LRP1B: variants seen among roughly 807,000 people sequenced by gnomAD.
The protein encoded by LRP1B is LDL receptor related protein 1B.
LRP1B carries 217 observed loss-of-function variants against 556.6 expected under a neutral mutation model. That is an observed-to-expected ratio of 0.39 (90% CI 0.35 to 0.44). LRP1B has a LOEUF of 0.44. Ranked by LOEUF, LRP1B falls within the 20% of genes least tolerant of loss-of-function variation. The pLI, the probability that LRP1B is intolerant of heterozygous loss-of-function variation, is 1.00. For synonymous variants in LRP1B, 2,047 were observed against 1,865.8 expected (o/e 1.10, Z -2.50); for missense variants, 5,053 against 5,620.8 (o/e 0.90, Z 3.23).
intron 7 of LRP1B, among the ~76,000 whole-genome samples, chr2:141,121,724 T>G (rs1574094993): frequency 6.6e-6 from 1 of 152,132 alleles, no homozygotes; most frequent in Non-Finnish European, 1.5e-5. Context: ...ATCAATGACC[T>G]TCTTCACAGA....
At chr2:141,889,545 A>G (rs1429156806) in intron 1 of LRP1B, among the ~76,000 whole-genome samples, 1 of 152,164 alleles carries the variant, frequency 6.6e-6, no homozygotes, top group East Asian at 1.9e-4. Flanking sequence ...TGCAAGTATT[A>G]AAGAATAGGG....
intron 14 of LRP1B, among the ~76,000 whole-genome samples, chr2:141,012,443 G>A (rs1032016431): frequency 6.6e-6 from 1 of 151,882 alleles, no homozygotes; most frequent in Non-Finnish European, 1.5e-5. Context: ...GTGTGGTAGG[G>A]GTGCAGGGTT....
intron 1 of LRP1B, among the ~76,000 whole-genome samples, chr2:142,104,627 G>A (rs1017699824): frequency 1.3e-5 from 2 of 152,122 alleles, no homozygotes; most frequent in Non-Finnish European, 2.9e-5. Flanking sequence ...TAACTCATTA[G>A]TACTGTGTTT....
At position 140,702,423 on chromosome 2, in the gene LRP1B, A is replaced by G. The variant is rs1338877966; in HGVS notation, c.6150+4T>C. On this transcript the variant is annotated splice_donor_region_variant and intron_variant, in intron 38 of 90. Coordinates refer to ENST00000389484, the MANE Select transcript of LRP1B (RefSeq NM_018557.3). The stretch of plus-strand genomic sequence containing the variant: ...TTTAAATACTGAAAAGAAATCCAAC[A>G]GACCTCATAGTCGATGGAGATGCCA... 1.2e-6 allele frequency: 2 copies of G among 1,613,172 alleles called. No individual in the cohort carries two copies. The highest frequency in any genetic ancestry group is 1.3e-5 in the African/African-American group (1 of 74,876).
At chr2:141,621,542 A>G (rs1051544665) in intron 2 of LRP1B, among the ~76,000 whole-genome samples, 3 of 152,206 alleles carry the variant, frequency 2.0e-5, no homozygotes, top group Non-Finnish European at 4.4e-5. Flanking sequence ...ACGTAAGATT[A>G]AACTAATCAT....
At chr2:140,777,734 A>G (rs1481449090) in intron 32 of LRP1B, among the ~76,000 whole-genome samples, 1 of 152,194 alleles carries the variant, frequency 6.6e-6, no homozygotes, top group African/African-American at 2.4e-5. Flanking sequence ...AAGAGATTCT[A>G]GTACATATAC....
rs117238817 is a variant in LRP1B, at chr2:141,928,997, T to C, written c.83-118596A>G. Among the ~76,000 whole-genome samples, 38 of 152,202 alleles carry C rather than the reference T, an allele frequency of 2.5e-4. No homozygotes were observed. The East Asian group carries it at 2.7e-3, about 11-fold the overall frequency. On this transcript the variant is annotated intron_variant, in intron 1 of 90. Transcript: ENST00000389484. ...AGGAGAGCATATTCCTGTTGAGAAATAGACAGCTGCCTTAGAGGGTCTGTG... is the reference window on the plus strand; with the variant it reads ...AGGAGAGCATATTCCTGTTGAGAAACAGACAGCTGCCTTAGAGGGTCTGTG...
chr2:141,031,730 T>C (rs1249473658), intron 11 of LRP1B, among the ~76,000 whole-genome samples: 1 of 151,910 alleles, frequency 6.6e-6, no homozygotes, highest in Non-Finnish European at 1.5e-5. Flanking sequence ...CAACACTTGA[T>C]GTAAGTATAA....
chr2:140,856,903 T>C (rs1641577036), intron 27 of LRP1B, among the ~76,000 whole-genome samples: 1 of 152,142 alleles, frequency 6.6e-6, no homozygotes, highest in South Asian at 2.1e-4. Flanking sequence ...AATCTAAAAA[T>C]CTAGAAAGTT....
chr2:140,358,348 A>G (rs189646274), intron 73 of LRP1B, among the ~76,000 whole-genome samples: 2 of 151,708 alleles, frequency 1.3e-5, no homozygotes, highest in Non-Finnish European at 2.9e-5. Context: ...AAATTTTAAA[A>G]TATTTACCCT....
Position 141,254,580 on chromosome 2 carries a change from A to G in LRP1B, c.405T>C (p.Ser135=), listed in dbSNP as rs762965982. The change falls in exon 4 of 91, where the codon AGT becomes AGC. Residue 135 remains serine, a synonymous_variant. Transcript: ENST00000389484. ...ATCCATCCTCACAGTAACATCTTGT[A>G]CTATTTCTGACCATTGTACATTTAT... is the stretch of plus-strand genomic sequence containing the variant. ...CQYKCTMVRN[S]TRCYCEDGFE... 3 of 1,611,578 alleles carry G rather than the reference A, an allele frequency of 1.9e-6. No homozygotes were observed. Among genetic ancestry groups the G allele is most frequent in the East Asian group, 2.2e-5 (1 of 44,740 alleles).
intron 21 of LRP1B, among the ~76,000 whole-genome samples, chr2:140,915,847 T>G (rs1209194571): frequency 6.6e-6 from 1 of 151,482 alleles, no homozygotes; most frequent in African/African-American, 2.4e-5. Context: ...GGGAACATGG[T>G]GAAACCCCGT....
intron 18 of LRP1B, among the ~76,000 whole-genome samples, chr2:140,973,525 G>A (rs771998005): frequency 6.6e-6 from 1 of 151,982 alleles, no homozygotes; most frequent in Non-Finnish European, 1.5e-5. Flanking sequence ...CTTTTGAAAT[G>A]TAAACATTGG....
chr2:140,697,485 C>G (rs1424980954), intron 41 of LRP1B, among the ~76,000 whole-genome samples: 1 of 151,882 alleles, frequency 6.6e-6, no homozygotes, highest in Non-Finnish European at 1.5e-5. Context: ...GATATTTGTA[C>G]ACCAATGTTC....
intron 76 of LRP1B, among the ~76,000 whole-genome samples, chr2:140,351,679 C>A (rs180955350): frequency 0.02 from 3,084 of 151,754 alleles, 36 homozygotes; most frequent in African/African-American, 0.028. Context: ...AACCCTAAAG[C>A]AAATGCCAAA....
At chr2:140,648,695 T>C (rs1201493032) in intron 41 of LRP1B, among the ~76,000 whole-genome samples, 3 of 152,274 alleles carry the variant, frequency 2.0e-5, no homozygotes, top group African/African-American at 7.2e-5. Flanking sequence ...GTAAGATAGC[T>C]TGAAGAATGG....
chr2:141,793,505 G>A (rs1214125369), intron 2 of LRP1B, among the ~76,000 whole-genome samples: 2 of 151,856 alleles, frequency 1.3e-5, no homozygotes, highest in African/African-American at 4.8e-5. Context: ...TAAAAAAGAA[G>A]GGTAATAGAT....
rs552294506 is a variant in LRP1B, at chr2:141,390,976, C to T, written c.343+89420G>A. ...TGAGCAGAATAGAGCAAATCATATCCTTCACACTTACTTCTCTGTGGTCAG... is the reference window on the plus strand; with the variant it reads ...TGAGCAGAATAGAGCAAATCATATCTTTCACACTTACTTCTCTGTGGTCAG... On this transcript the variant is annotated intron_variant, in intron 3 of 90. Coordinates refer to ENST00000389484, the MANE Select transcript of LRP1B (RefSeq NM_018557.3). Among the ~76,000 whole-genome samples the T allele has an allele frequency of 4.4e-4, 67 of 152,148 alleles. 1 individual carries two copies. The highest frequency in any genetic ancestry group is 3.8e-3 in the Admixed American group (58 of 15,278).
chr2:140,782,175 G>A lies in LRP1B; in HGVS notation c.5360-5937C>T, dbSNP rs182313878. On this transcript the variant is annotated intron_variant, in intron 32 of 90. Coordinates refer to ENST00000389484, the MANE Select transcript of LRP1B (RefSeq NM_018557.3). ...AGCAGGGAGCTAATATAGGGTAGGG[G>A]TTAAGCTGTGTATAAGCAATGAGGA... 1.5e-4 allele frequency among the ~76,000 whole-genome samples: 23 copies of A among 152,266 alleles called. No homozygotes were observed. In the East Asian group the frequency reaches 3.9e-3, roughly 26 times the overall value.
Sources: gnomAD v4.1 joint callset for allele counts (sites outside exome capture counted in the v4.1 genomes callset) on GRCh38, gnomAD v4.1.1 for gene constraint, MANE v1.5 for transcripts, NCBI Gene and HGNC (gene_info 2026-07-23, HGNC 2026-07-21) for gene names.